The following TCFL5 variants were observed in gnomAD, a reference collection of about 807,000 sequenced individuals.
TCFL5 encodes the protein transcription factor-like 5 protein.
A neutral mutation model predicts 44.3 loss-of-function variants in TCFL5; 9 were observed. The observed-to-expected ratio is 0.20, with a 90% CI of 0.12 to 0.35. The LOEUF (loss-of-function observed/expected upper bound fraction) is 0.35. TCFL5 is among the 10% of genes least tolerant of loss of function. TCFL5 has a pLI of 1.00. For synonymous variants in TCFL5, 319 were observed against 271.6 expected (o/e 1.17, Z -1.72); for missense variants, 603 against 613.4 (o/e 0.98, Z 0.18).
At chr20:62,848,568 T>C (rs1042769603) in intron 5 of TCFL5, among the ~76,000 whole-genome samples, 2 of 151,992 alleles carry the variant, frequency 1.3e-5, no homozygotes, top group African/African-American at 4.8e-5. Flanking sequence ...CGAAACACTG[T>C]CTCTACTAAA....
intron 5 of TCFL5, among the ~76,000 whole-genome samples, chr20:62,848,196 C>T (rs868820509): frequency 6.6e-6 from 1 of 152,304 alleles, no homozygotes; most frequent in Middle Eastern, 3.4e-3. Flanking sequence ...AGATGCGAAG[C>T]GGGACTCAAC....
rs867398889 is a variant in TCFL5, at chr20:62,842,490, G to A, written c.1381-393C>T. Among the ~76,000 whole-genome samples the A allele has an allele frequency of 5.0e-4, 76 of 152,328 alleles. 1 individual carries two copies. The highest frequency in any genetic ancestry group is 1.7e-3 in the African/African-American group (72 of 41,594). On this transcript the variant is annotated intron_variant, in intron 5 of 5. Coordinates refer to ENST00000335351, the MANE Select transcript of TCFL5 (RefSeq NM_006602.4). The surrounding 1 kb of genome is among the most constrained non-coding windows in gnomAD (Gnocchi z 4.3). ...TATTAAAACGTTTCAGGCCGGGCGT[G>A]GCGGCTCACGCCTATAATCCCAGCA...
At chr20:62,851,179 C>A (rs1017724834) in intron 5 of TCFL5, among the ~76,000 whole-genome samples, 1 of 152,076 alleles carries the variant, frequency 6.6e-6, no homozygotes, top group African/African-American at 2.4e-5. Context: ...CAATTAAGAA[C>A]CCATGTGTTT....
intron 5 of TCFL5, chr20:62,851,410 AATT>A (rs781428043): frequency 3.6e-5 from 23 of 632,044 alleles, no homozygotes; most frequent in Non-Finnish European, 4.5e-5. Context: ...TAATTTCAAA[AATT>A]ATAAATGCCT....
chr20:62,861,465 G>A lies in TCFL5; in HGVS notation c.206C>T (p.Ala69Val). ...HILCSHMEAAADGELETRLNS... is the reference protein window; with the variant it reads ...HILCSHMEAAVDGELETRLNS... ...GAGGCGCGTCTCGAGCTCGCCGTCAGCCGCCGCCTCCATGTGCGAGCAGAG... is the reference window on the plus strand; with the variant it reads ...GAGGCGCGTCTCGAGCTCGCCGTCAACCGCCGCCTCCATGTGCGAGCAGAG... Residue 69 changes from alanine (A) to valine (V), a missense_variant, in exon 1 of 6, where the codon GCT becomes GTT. This residue lies in a region of TCFL5 where 540 missense variants were observed against 478.7 expected (regional missense o/e 1.13). Coordinates refer to ENST00000335351, the MANE Select transcript of TCFL5 (RefSeq NM_006602.4). The surrounding 1 kb of genome is among the most constrained non-coding windows in gnomAD (Gnocchi z 4.0). 2.5e-6 allele frequency: 3 copies of A among 1,186,494 alleles called. No homozygotes were observed. The highest frequency in any genetic ancestry group is 3.2e-6 in the Non-Finnish European group (3 of 944,596). 73.5% of individuals were successfully genotyped at this position (1,186,494 alleles called of 1,614,324 possible). A position where few individuals can be genotyped will look rare whatever the true frequency, so the allele number is the denominator to read the frequency against.
chr20:62,845,314 G>C, intron 5 of TCFL5: 8 of 888,676 alleles, frequency 9.0e-6, no homozygotes, highest in Non-Finnish European at 1.1e-5. Context: ...TAGAGACGGG[G>C]GTCACACCGT....
intron 3 of TCFL5, among the ~76,000 whole-genome samples, chr20:62,858,012 C>A (rs1343320602): frequency 6.6e-6 from 1 of 151,278 alleles, no homozygotes; most frequent in Admixed American, 6.6e-5. Flanking sequence ...ACAACAACAA[C>A]AAACCACCTG....
At chr20:62,852,097 G>A (rs1917082762) in intron 5 of TCFL5, 3 of 985,274 alleles carry the variant, frequency 3.0e-6, no homozygotes, top group African/African-American at 1.7e-5. Flanking sequence ...GAGTCACTGC[G>A]CCAGGCCTGG....
In TCFL5 at chr20:62,859,374, A is replaced by C. The variant is rs747406300; in HGVS notation, c.984T>G (p.Ile328Met). The C allele has an allele frequency of 1.2e-6, 2 of 1,605,920 alleles. No homozygotes were observed. Among genetic ancestry groups the C allele is most frequent in the Admixed American group, 1.7e-5 (1 of 59,128 alleles). The change falls in exon 3 of 6, where the codon ATT (isoleucine) becomes ATG (methionine). Residue 328 changes from isoleucine to methionine, a missense_variant. By Grantham distance (10) the Ile-to-Met change is conservative. This residue lies in a region of TCFL5 where 540 missense variants were observed against 478.7 expected (regional missense o/e 1.13). Transcript: ENST00000335351. ...RNKVLPEQVW[I>M]KVGEAALCKQ... ...TGCTTCATCGCTTACCTCCCACTTT[A>C]ATCCAAACTTGCTCAGGCAAAACTT...
At chr20:62,853,038 T>G (rs988333643) in intron 5 of TCFL5, 4 of 1,208,950 alleles carry the variant, frequency 3.3e-6, no homozygotes, top group African/African-American at 3.2e-5. Context: ...CACAGAAGCA[T>G]AGTCACCCGG....
intron 3 of TCFL5, among the ~76,000 whole-genome samples, chr20:62,858,753 ACGCAGG>A (rs1384879086): frequency 1.7e-5 from 1 of 60,558 alleles, no homozygotes; most frequent in Non-Finnish European, 3.0e-5. Flanking sequence ...GGAAGGGGCT[ACGCAGG>A]TGTTTCCCAG....
Position 62,860,303 on chromosome 20 carries a change from A to G in TCFL5, c.653T>C (p.Val218Ala). The G allele has an allele frequency of 6.2e-7, 1 of 1,604,994 alleles. No individual in the cohort carries two copies. The highest frequency in any genetic ancestry group is 1.1e-5 in the South Asian group (1 of 90,896). The change falls in exon 2 of 6, where the codon GTA becomes GCA. Residue 218 changes from valine (V) to alanine (A), a missense_variant. This residue lies in a region of TCFL5 where 540 missense variants were observed against 478.7 expected (regional missense o/e 1.13). Transcript: ENST00000335351. ...PEPGGALNNL[V>A]TLIRHPSELM... is the part of the protein sequence containing the mutation. ...TTCAGATGGATGTCGAATGAGAGTT[A>G]CCAAACTGCCAAGACAAAAGAAAGC... is the stretch of plus-strand genomic sequence containing the variant.
chr20:62,846,775 A>AAC (rs1350828601), intron 5 of TCFL5, among the ~76,000 whole-genome samples: 102 of 151,982 alleles, frequency 6.7e-4, no homozygotes, highest in African/African-American at 2.1e-3. Context: ...GGAAAAAAAA[A>AAC]AAAAGAGAGA....
intron 3 of TCFL5, among the ~76,000 whole-genome samples, chr20:62,858,851 G>A (rs996602565): frequency 6.6e-6 from 1 of 151,100 alleles, no homozygotes; most frequent in Non-Finnish European, 1.5e-5. Flanking sequence ...CTACGCAGGT[G>A]TTTCCCAGGG....
intron 5 of TCFL5, among the ~76,000 whole-genome samples, chr20:62,847,969 CGG>C (rs2063764473): frequency 7.3e-6 from 1 of 137,616 alleles, no homozygotes; most frequent in Admixed American, 7.3e-5. Flanking sequence ...AGACAAGCGC[CGG>C]GCAGCCGGGC....
In TCFL5 at chr20:62,861,447, G is replaced by A; in HGVS notation, c.224C>T (p.Thr75Met). ...CGCCAGCAGCGCCGAGTTGAGGCGCGTCTCGAGCTCGCCGTCAGCCGCCGC... is the reference window on the plus strand; with the variant it reads ...CGCCAGCAGCGCCGAGTTGAGGCGCATCTCGAGCTCGCCGTCAGCCGCCGC... ...MEAAADGELE[T>M]RLNSALLAAA... The change falls in exon 1 of 6, where the codon ACG becomes ATG. Residue 75 changes from threonine to methionine, a missense_variant. Around this residue, in one of 4 missense-constraint regions of TCFL5, gnomAD observed 540 missense variants for 478.7 expected, o/e 1.13. Coordinates refer to ENST00000335351, the MANE Select transcript of TCFL5 (RefSeq NM_006602.4). This position sits in a 1 kb window ranked among gnomAD's most constrained non-coding sequence, Gnocchi z 4.0. The A allele has an allele frequency of 1.7e-6, 2 of 1,172,802 alleles. No individual in the cohort carries two copies. The highest frequency in any genetic ancestry group is 2.1e-6 in the Non-Finnish European group (2 of 939,060). 72.6% of individuals were successfully genotyped at this position (1,172,802 alleles called of 1,614,324 possible).
intron 5 of TCFL5, among the ~76,000 whole-genome samples, chr20:62,853,076 CAGA>C (rs1322994426): frequency 6.8e-6 from 1 of 146,550 alleles, no homozygotes; most frequent in Non-Finnish European, 1.5e-5. Flanking sequence ...ACCCGGTCCG[CAGA>C]AGCACAGTCA....
intron 4 of TCFL5, among the ~76,000 whole-genome samples, chr20:62,856,265 A>AAAAG (rs2063888526): frequency 6.7e-6 from 1 of 149,744 alleles, no homozygotes; most frequent in African/African-American, 2.5e-5. Flanking sequence ...AAAAAAAAAA[A>AAAAG]AAAAAGAAAA....
intron 1 of TCFL5, 58 bp downstream of exon 1, chr20:62,860,966 C>G: frequency 1.7e-5 from 17 of 984,866 alleles, no homozygotes; most frequent in Non-Finnish European, 2.1e-5. Context: ...GCCCCGGCCC[C>G]GGCCCCGGCC....
Sources: allele counts gnomAD v4.1 joint callset (sites outside exome capture counted in the v4.1 genomes callset), GRCh38; gene constraint gnomAD v4.1.1; regional missense constraint gnomAD v4.1.1; non-coding constraint Gnocchi (gnomAD v3.1); transcripts MANE v1.5; gene names NCBI Gene and HGNC (gene_info 2026-07-23, HGNC 2026-07-21).